GPHN: variants seen among roughly 807,000 people sequenced by gnomAD.
GPHN encodes gephyrin.
GPHN carries 17 observed loss-of-function variants against 95.5 expected under a neutral mutation model. That is an observed-to-expected ratio of 0.18 (90% CI 0.12 to 0.27). GPHN has a LOEUF of 0.27. Ranked by LOEUF, GPHN falls within the 10% of genes least tolerant of loss-of-function variation. GPHN has a pLI of 1.00. For synonymous variants in GPHN, 320 were observed against 322.5 expected, an observed-to-expected ratio of 0.99 and a Z score of 0.08; for missense variants, 660 against 978.1, an observed-to-expected ratio of 0.67 and a Z score of 4.34.
At chr14:67,345,680 C>T in the GPHN span, 19 of 799,496 alleles carry the variant, frequency 2.4e-5, no homozygotes, top group South Asian at 3.0e-4. Flanking sequence ...GTACAAAGCA[C>T]AGTATATGCT....
chr14:67,431,965 A>T, the GPHN span, among the ~76,000 whole-genome samples: 4 of 152,218 alleles, frequency 2.6e-5, no homozygotes, highest in Non-Finnish European at 5.9e-5. Flanking sequence ...TAATGTGTTC[A>T]TGTTGCGCTC....
At chr14:66,753,953 T>C (rs2058466627) in intron 2 of GPHN, among the ~76,000 whole-genome samples, 1 of 152,138 alleles carries the variant, frequency 6.6e-6, no homozygotes, top group African/African-American at 2.4e-5. Flanking sequence ...TTCATAGCAA[T>C]AGAATTATAC....
the GPHN span, chr14:67,585,892 T>G: frequency 6.5e-7 from 1 of 1,549,676 alleles, no homozygotes; most frequent in South Asian, 1.2e-5. Context: ...GGGATGCTGG[T>G]TCCTAGCTCA....
Position 66,702,246 on chromosome 14 carries a change from C to T in GPHN, c.143+21061C>T, listed in dbSNP as rs577231714. ...TTTTGGGGAATCCAGGCAGCCCAGA[C>T]GAGTGGGTTTTCCCCCAGTGAAGCA... On this transcript the variant is annotated intron_variant, in intron 2 of 22. Transcript: ENST00000478722. Among the ~76,000 whole-genome samples, 4 of 152,336 alleles carry T rather than the reference C, an allele frequency of 2.6e-5. No homozygotes were observed. In the East Asian group the frequency reaches 5.8e-4, roughly 22 times the overall value.
chr14:66,645,077 T>C (rs546419720), intron 1 of GPHN, among the ~76,000 whole-genome samples: 3 of 152,242 alleles, frequency 2.0e-5, no homozygotes, highest in African/African-American at 7.2e-5. Flanking sequence ...TAGCTTTTTG[T>C]AGTAGTATAT....
chr14:67,653,618 C>T, the GPHN span: 1 of 846,006 alleles, frequency 1.2e-6, no homozygotes, highest in Non-Finnish European at 1.8e-6. Flanking sequence ...AGAAATCAAG[C>T]CAATTTAAAT....
chr14:67,298,120 C>CTTAGATTTAATACTAAGGA, the GPHN span, among the ~76,000 whole-genome samples: 155 of 152,148 alleles, frequency 1.0e-3, no homozygotes, highest in Non-Finnish European at 1.5e-3. Context: ...GGTGATGGTC[C>CTTAGATTTAATACTAAGGA]TTAGATTTAA....
intron 5 of GPHN, among the ~76,000 whole-genome samples, chr14:66,887,972 G>A (rs1486114707): frequency 6.6e-6 from 1 of 152,090 alleles, no homozygotes; most frequent in Non-Finnish European, 1.5e-5. Context: ...TGCCTTTGAT[G>A]GGCTTATTAG....
At chr14:66,820,490 A>G (rs942073375) in intron 3 of GPHN, among the ~76,000 whole-genome samples, 1 of 152,134 alleles carries the variant, frequency 6.6e-6, no homozygotes, top group African/African-American at 2.4e-5. Context: ...CAAGTTTAAG[A>G]TTAGTTTTCC....
chr14:67,312,676 C>T, the GPHN span: 105 of 1,610,590 alleles, frequency 6.5e-5, no homozygotes, highest in Middle Eastern at 1.6e-4. Flanking sequence ...GGGAAGGGGA[C>T]GAAGATAATC....
the GPHN span, among the ~76,000 whole-genome samples, chr14:67,313,659 T>C: frequency 6.6e-6 from 1 of 152,194 alleles, no homozygotes; most frequent in Admixed American, 6.5e-5. Context: ...TAATAATTCA[T>C]CCATTTATTT....
intron 4 of GPHN, among the ~76,000 whole-genome samples, chr14:66,864,076 A>T (rs903913860): frequency 1.3e-5 from 2 of 152,192 alleles, no homozygotes; most frequent in Non-Finnish European, 2.9e-5. Context: ...CTGACGAGGG[A>T]TTAATAACCA....
the GPHN span, among the ~76,000 whole-genome samples, chr14:67,476,955 G>A: frequency 6.6e-6 from 1 of 152,200 alleles, no homozygotes; most frequent in Admixed American, 6.5e-5. Context: ...ATGAAACCCT[G>A]TCTCTACTAA....
At chr14:66,841,172 C>T (rs922228468) in intron 4 of GPHN, among the ~76,000 whole-genome samples, 1 of 151,862 alleles carries the variant, frequency 6.6e-6, no homozygotes, top group African/African-American at 2.4e-5. Context: ...AACAAGTAAA[C>T]TCTATAGAAC....
At chr14:67,109,229 A>G (rs1465176957) in intron 13 of GPHN, among the ~76,000 whole-genome samples, 2 of 152,232 alleles carry the variant, frequency 1.3e-5, no homozygotes, top group African/African-American at 4.8e-5. Flanking sequence ...ACGTGACTAT[A>G]CTTATGAGGC....
At chr14:67,639,739 G>A in the GPHN span, among the ~76,000 whole-genome samples, 20 of 152,124 alleles carry the variant, frequency 1.3e-4, no homozygotes, top group African/African-American at 4.6e-4. Flanking sequence ...TAGCCAACAT[G>A]GCGAAACCCT....
the GPHN span, among the ~76,000 whole-genome samples, chr14:67,239,685 G>A: frequency 1.3e-5 from 2 of 152,072 alleles, no homozygotes; most frequent in Non-Finnish European, 2.9e-5. Flanking sequence ...GCGAAACCCC[G>A]TCTCTACTAA....
the GPHN span, among the ~76,000 whole-genome samples, chr14:67,300,509 G>A: frequency 1.3e-5 from 2 of 152,050 alleles, no homozygotes; most frequent in Admixed American, 6.6e-5. Context: ...TGTATTTTTA[G>A]TAGAGACAGT....
chr14:67,278,005 A>G, the GPHN span, among the ~76,000 whole-genome samples: 2 of 150,606 alleles, frequency 1.3e-5, no homozygotes, highest in Non-Finnish European at 3.0e-5. Context: ...CTCTAAATGA[A>G]TCCTTGTAAT....
Sources: gnomAD v4.1 joint callset for allele counts (sites outside exome capture counted in the v4.1 genomes callset) on GRCh38, gnomAD v4.1.1 for gene constraint, MANE v1.5 for transcripts, NCBI Gene and HGNC (gene_info 2026-07-23, HGNC 2026-07-21) for gene names.